The following ITGA9 variants were observed in gnomAD, a reference collection of about 807,000 sequenced individuals.
The protein encoded by ITGA9 is integrin alpha-9.
ITGA9 carries 56 observed loss-of-function variants against 127.8 expected under a neutral mutation model. The ratio of observed to expected loss-of-function variants is 0.44; its 90% CI spans 0.35 to 0.55. The LOEUF (loss-of-function observed/expected upper bound fraction) is 0.55, where lower values mean the gene tolerates loss of function less well. Among genes scored for constraint, ITGA9 ranks in the 20% least tolerant of loss-of-function variants. ITGA9 has a pLI of 0.00. For missense variants in ITGA9, 1,196 were observed against 1,347.1 expected (o/e 0.89, Z 1.76); for synonymous variants, 508 against 514.5 (o/e 0.99, Z 0.17).
At chr3:37,789,830 G>T (rs1575238834) in intron 26 of ITGA9, 2 of 326,074 alleles carry the variant, frequency 6.1e-6, no homozygotes, top group South Asian at 2.7e-5. Flanking sequence ...TAAACATTTG[G>T]TAATTAACAT....
chr3:37,732,906 C>T, intron 19 of ITGA9, 108 bp downstream of exon 19: 13 of 824,590 alleles, frequency 1.6e-5, no homozygotes, highest in African/African-American at 1.7e-5. Context: ...CCCCCTGCCT[C>T]CCATAGCAGC....
At chr3:37,658,056 G>A (rs1360489161) in intron 17 of ITGA9, among the ~76,000 whole-genome samples, 4 of 152,184 alleles carry the variant, frequency 2.6e-5, no homozygotes, top group African/African-American at 7.2e-5. Flanking sequence ...TGGTCTGAGA[G>A]ACTGTTATGA....
Position 37,462,063 on chromosome 3 carries a change from T to A in ITGA9, c.186-8944T>A, listed in dbSNP as rs79852953. ...GGCTTTTTCTTAGATCTGCCAGAAG[T>A]CTGTAATTTGCTCTATCCCTTGGAT... On this transcript the variant is annotated intron_variant, in intron 1 of 27. Transcript: ENST00000264741. Among the ~76,000 whole-genome samples the A allele has an allele frequency of 4.3e-3, 662 of 152,344 alleles. 34 individuals carry two copies. In the East Asian group the frequency reaches 0.096, roughly 22 times the overall value.
intron 23 of ITGA9, among the ~76,000 whole-genome samples, chr3:37,765,457 T>C (rs1236008595): frequency 6.6e-6 from 1 of 152,160 alleles, no homozygotes; most frequent in African/African-American, 2.4e-5. Context: ...CCCTAAACTT[T>C]CTTTTCTTTT....
chr3:37,722,652 A>G (rs1701202202), intron 18 of ITGA9, among the ~76,000 whole-genome samples: 1 of 152,212 alleles, frequency 6.6e-6, no homozygotes, highest in South Asian at 2.1e-4. Context: ...GTCATACTTC[A>G]TTCTTTTTCA....
intron 15 of ITGA9, among the ~76,000 whole-genome samples, chr3:37,561,880 A>AG: frequency 6.6e-6 from 1 of 152,248 alleles, no homozygotes; most frequent in East Asian, 1.9e-4. Context: ...TATTATTCTC[A>AG]GGGATTTGGA....
Position 37,481,589 on chromosome 3 carries a change from C to T in ITGA9, c.526C>T (p.Leu176=). 2 of 1,614,226 alleles carry T rather than the reference C, an allele frequency of 1.2e-6. No individual in the cohort carries two copies. The highest frequency in any genetic ancestry group is 8.5e-7 in the Non-Finnish European group (1 of 1,180,024). Residue 176 remains leucine, a synonymous_variant, in exon 4 of 28, where the codon CTG becomes TTG. Coordinates refer to ENST00000264741, the MANE Select transcript of ITGA9 (RefSeq NM_002207.3). The part of the protein sequence containing the change: ...PSNLQAKGRT[L]IPCYEEYKKK... Reference sequence around the variant, plus strand: ...CAACCTCCAGGCCAAAGGCAGGACGCTGATCCCTTGCTATGAAGGTGAGCA... The same window carrying T: ...CAACCTCCAGGCCAAAGGCAGGACGTTGATCCCTTGCTATGAAGGTGAGCA...
intron 17 of ITGA9, among the ~76,000 whole-genome samples, chr3:37,680,391 A>C (rs144995608): frequency 6.6e-6 from 1 of 152,346 alleles, no homozygotes; most frequent in Non-Finnish European, 1.5e-5. Context: ...CTGAGTTCAC[A>C]TTCTGCCCTG....
chr3:37,804,081 C>A, intron 27 of ITGA9, 139 bp downstream of exon 27: 1 of 1,313,456 alleles, frequency 7.6e-7, no homozygotes, highest in Non-Finnish European at 1.1e-6. Flanking sequence ...ACCCTTCAGG[C>A]AGGGAGTGGA....
intron 22 of ITGA9, among the ~76,000 whole-genome samples, chr3:37,747,106 T>G (rs1377598493): frequency 1.3e-5 from 2 of 152,238 alleles, no homozygotes; most frequent in Non-Finnish European, 2.9e-5. Context: ...TATATTTTAC[T>G]CATCTTTTTA....
At chr3:37,552,379 A>G (rs1329759316) in intron 15 of ITGA9, among the ~76,000 whole-genome samples, 1 of 152,070 alleles carries the variant, frequency 6.6e-6, no homozygotes, top group Non-Finnish European at 1.5e-5. Flanking sequence ...GCAAATTATT[A>G]TTTATTTCTT....
chr3:37,683,624 A>G (rs1264803745), intron 17 of ITGA9, among the ~76,000 whole-genome samples: 1 of 152,156 alleles, frequency 6.6e-6, no homozygotes, highest in Non-Finnish European at 1.5e-5. Context: ...GATGTACAAG[A>G]TTTCATGTGA....
chr3:37,638,415 G>T (rs1248149702), intron 16 of ITGA9, among the ~76,000 whole-genome samples: 1 of 148,262 alleles, frequency 6.7e-6, no homozygotes. Flanking sequence ...TTCTGGGAGA[G>T]CAGTTCTTTC....
intron 17 of ITGA9, among the ~76,000 whole-genome samples, chr3:37,657,655 A>AT (rs529801285): frequency 0.033 from 4,664 of 139,592 alleles, 95 homozygotes; most frequent in Non-Finnish European, 0.05. Context: ...GGATTTGTTT[A>AT]TTTTTTTTTT....
chr3:37,816,249 G>A (rs1310754825), intron 27 of ITGA9, among the ~76,000 whole-genome samples: 1 of 152,146 alleles, frequency 6.6e-6, no homozygotes, highest in African/African-American at 2.4e-5. Context: ...CCTTCAAAGA[G>A]TCCTAAGACA....
chr3:37,532,037 G>A (rs1229256738), intron 13 of ITGA9, among the ~76,000 whole-genome samples: 3 of 152,190 alleles, frequency 2.0e-5, no homozygotes, highest in Non-Finnish European at 4.4e-5. Context: ...ACACTGGCCA[G>A]GGGTAAGAGA....
At chr3:37,626,507 A>G (rs1559552714) in intron 15 of ITGA9, among the ~76,000 whole-genome samples, 1 of 152,242 alleles carries the variant, frequency 6.6e-6, no homozygotes, top group Non-Finnish European at 1.5e-5. Flanking sequence ...AAAATAAAAA[A>G]TAAATAAAAG....
At chr3:37,566,274 A>G (rs1699546233) in intron 15 of ITGA9, among the ~76,000 whole-genome samples, 1 of 152,140 alleles carries the variant, frequency 6.6e-6, no homozygotes, top group Non-Finnish European at 1.5e-5. Context: ...CTAGTAAGGG[A>G]TTAATGGGTA....
intron 1 of ITGA9, among the ~76,000 whole-genome samples, chr3:37,459,602 A>G (rs1658633427): frequency 6.6e-6 from 1 of 152,240 alleles, no homozygotes; most frequent in Non-Finnish European, 1.5e-5. Flanking sequence ...ACAAGCATTC[A>G]GTCTGTAGCA....
Sources: gnomAD v4.1 joint callset for allele counts (sites outside exome capture counted in the v4.1 genomes callset) on GRCh38, gnomAD v4.1.1 for gene constraint, MANE v1.5 for transcripts, NCBI Gene and HGNC (gene_info 2026-07-23, HGNC 2026-07-21) for gene names.